Variants in UST observed in about 807,000 individuals in gnomAD.
UST encodes the protein uronyl 2-sulfotransferase, also known as chondroitin sulfate 2-O-sulfotransferase.
In UST, 21 loss-of-function variants were observed where a neutral mutation model predicts 45.6. The observed-to-expected ratio is 0.46, with a 90% CI of 0.33 to 0.66. The LOEUF (loss-of-function observed/expected upper bound fraction) is 0.66, where lower values mean the gene tolerates loss of function less well. Among genes scored for constraint, UST ranks in the 30% least tolerant of loss-of-function variants. UST has a pLI of 0.02. For synonymous variants in UST, 215 were observed against 200.6 expected, an observed-to-expected ratio of 1.07 and a Z score of -0.61; for missense variants, 463 against 512.4, an observed-to-expected ratio of 0.90 and a Z score of 0.93.
Position 148,747,338 on chromosome 6 carries a change from CA to C in UST, c.-92del. On this transcript the variant is annotated 5_prime_UTR_variant, in exon 1 of 8. The change abolishes an upstream ATG in the 5' untranslated region. Transcript: ENST00000367463. ...CGGCTGCCCTCCGCGCGGCCCTCCC[CA>C]TGTGCAGCCGGCCAGCCGGGCTCTC... 7.4e-7 allele frequency: 1 copy of C among 1,343,446 alleles called. No individual in the cohort carries two copies. The highest frequency in any genetic ancestry group is 9.6e-7 in the Non-Finnish European group (1 of 1,042,812). The allele number at this position is 1,343,446 out of a possible 1,614,324, so 83.2% of individuals were successfully genotyped here. A position where few individuals can be genotyped will look rare whatever the true frequency, so the allele number is the denominator to read the frequency against.
At chr6:149,041,591 A>G (rs1280408105) in intron 7 of UST, among the ~76,000 whole-genome samples, 1 of 152,240 alleles carries the variant, frequency 6.6e-6, no homozygotes, top group Non-Finnish European at 1.5e-5. Context: ...CCACAGTGAC[A>G]CAGAGTGTTG....
intron 5 of UST, among the ~76,000 whole-genome samples, chr6:148,988,065 G>A (rs1218239003): frequency 6.6e-6 from 1 of 151,940 alleles, no homozygotes; most frequent in Non-Finnish European, 1.5e-5. Context: ...AGGCTTCCTG[G>A]AGGAGGTGTT....
intron 1 of UST, among the ~76,000 whole-genome samples, chr6:148,803,311 C>G (rs150331982): frequency 6.6e-6 from 1 of 152,256 alleles, no homozygotes; most frequent in African/African-American, 2.4e-5. Flanking sequence ...ATTACAAGAT[C>G]TTGATTCTCG....
rs1193461074 is a variant in UST at position 149,076,352 on chromosome 6, CTG to C, written c.*2240_*2241del. ...CAATCTGAAAATAAAGTTGAGTTGG[CTG>C]TGTTTTCTCTGCTCTTGTCAGAACA... is the stretch of plus-strand genomic sequence containing the variant. On this transcript the variant is annotated 3_prime_UTR_variant, in exon 8 of 8. Transcript: ENST00000367463. The C allele has an allele frequency of 6.6e-6, 1 of 152,214 alleles. No homozygotes were observed. Among genetic ancestry groups the C allele is most frequent in the Non-Finnish European group, 1.5e-5 (1 of 68,038 alleles). 9.4% of individuals were successfully genotyped at this position (152,214 alleles called of 1,614,324 possible). A position where few individuals can be genotyped will look rare whatever the true frequency, so the allele number is the denominator to read the frequency against.
intron 1 of UST, among the ~76,000 whole-genome samples, chr6:148,816,795 A>T (rs1371341783): frequency 6.6e-6 from 1 of 152,204 alleles, no homozygotes; most frequent in East Asian, 1.9e-4. Flanking sequence ...TTTTTTTTCA[A>T]CAAACAGCTG....
At chr6:148,809,060 A>T (rs1290184940) in intron 1 of UST, among the ~76,000 whole-genome samples, 2 of 152,368 alleles carry the variant, frequency 1.3e-5, no homozygotes, top group South Asian at 2.1e-4. Context: ...GCAACTAATC[A>T]TCACCTTGTA....
At chr6:149,048,483 C>A (rs1417752745) in intron 7 of UST, among the ~76,000 whole-genome samples, 1 of 151,030 alleles carries the variant, frequency 6.6e-6, no homozygotes, top group African/African-American at 2.4e-5. Flanking sequence ...TTGTAGTGAG[C>A]CGAGATGGGG....
At position 148,926,541 on chromosome 6, in the gene UST, C is replaced by T. The variant is rs541248182; in HGVS notation, c.292-14738C>T. 2.0e-3 allele frequency among the ~76,000 whole-genome samples: 297 copies of T among 152,292 alleles called. 2 individuals carry two copies. Among genetic ancestry groups the T allele is most frequent in the African/African-American group, 7.0e-3 (289 of 41,554 alleles). On this transcript the variant is annotated intron_variant, in intron 2 of 7. Coordinates refer to ENST00000367463, the MANE Select transcript of UST (RefSeq NM_005715.3). ...TTGCAGATCTTGGCTTGTAGCATGG[C>T]CCTCATGCTTCTTGCCTCATGGTCA...
At chr6:148,873,510 C>A (rs1302345226) in intron 1 of UST, among the ~76,000 whole-genome samples, 4 of 152,152 alleles carry the variant, frequency 2.6e-5, no homozygotes, top group African/African-American at 9.7e-5. Flanking sequence ...GCTGAGACCC[C>A]ACTTTGCTTA....
intron 1 of UST, among the ~76,000 whole-genome samples, chr6:148,771,742 T>C (rs1304333254): frequency 6.6e-6 from 1 of 152,240 alleles, no homozygotes; most frequent in Non-Finnish European, 1.5e-5. Context: ...ATTTATTGGA[T>C]GATATATGTT....
intron 1 of UST, among the ~76,000 whole-genome samples, chr6:148,805,998 G>T (rs1777138011): frequency 6.6e-6 from 1 of 152,094 alleles, no homozygotes; most frequent in Non-Finnish European, 1.5e-5. Flanking sequence ...GGGAAAAAAA[G>T]ATGTGGGCTC....
In UST at chr6:148,803,332, T is replaced by C. The variant is rs1408741190; in HGVS notation, c.247+55655T>C. 6.6e-5 allele frequency among the ~76,000 whole-genome samples: 10 copies of C among 152,206 alleles called. 1 individual carries two copies. In the East Asian group the frequency reaches 1.7e-3, roughly 26 times the overall value. On this transcript the variant is annotated intron_variant, in intron 1 of 7. Coordinates refer to ENST00000367463, the MANE Select transcript of UST (RefSeq NM_005715.3). ...AGATCTTGATTCTCGGTTCTTACCATTCCTGGGATATTCTAGAGACCTGGT... is the reference window on the plus strand; with the variant it reads ...AGATCTTGATTCTCGGTTCTTACCACTCCTGGGATATTCTAGAGACCTGGT...
rs143272272 is a variant in UST, at chr6:148,788,452, A to G, written c.247+40775A>G. 7.2e-3 allele frequency among the ~76,000 whole-genome samples: 1,103 copies of G among 152,338 alleles called. 14 individuals carry two copies. The highest frequency in any genetic ancestry group is 0.025 in the African/African-American group (1,057 of 41,568). The stretch of plus-strand genomic sequence containing the variant: ...TGAGTCACTTTGAGGAAAGGTTATT[A>G]TATGAAAATATCACTGAAATAATCA... On this transcript the variant is annotated intron_variant, in intron 1 of 7. Transcript: ENST00000367463.
At chr6:149,062,506 C>T (rs1278226411) in intron 7 of UST, among the ~76,000 whole-genome samples, 1 of 152,192 alleles carries the variant, frequency 6.6e-6, no homozygotes, top group Non-Finnish European at 1.5e-5. Context: ...CAGTCCCTTT[C>T]AGTGTGAAAA....
chr6:148,879,192 CT>C (rs1408695563), intron 1 of UST, among the ~76,000 whole-genome samples: 1 of 152,174 alleles, frequency 6.6e-6, no homozygotes, highest in Non-Finnish European at 1.5e-5. Context: ...TTACAATTTC[CT>C]TGCACCCCCT....
chr6:148,938,496 A>T (rs1780061102), intron 2 of UST, among the ~76,000 whole-genome samples: 1 of 152,236 alleles, frequency 6.6e-6, no homozygotes, highest in Non-Finnish European at 1.5e-5. Context: ...GGAAAATTAA[A>T]TTAACCTATA....
chr6:148,889,910 T>C (rs1306381848), intron 2 of UST, among the ~76,000 whole-genome samples: 1 of 149,504 alleles, frequency 6.7e-6, no homozygotes, highest in Non-Finnish European at 1.5e-5. Context: ...AACTCCCCCA[T>C]ATCTCCCCCA....
At chr6:148,951,037 G>A (rs1333473731) in intron 3 of UST, among the ~76,000 whole-genome samples, 2 of 152,222 alleles carry the variant, frequency 1.3e-5, no homozygotes, top group Admixed American at 6.5e-5. Flanking sequence ...AGGAGTAGCA[G>A]AAGAACATTC....
At chr6:148,765,450 T>C (rs112090724) in intron 1 of UST, among the ~76,000 whole-genome samples, 5,691 of 152,240 alleles carry the variant, frequency 0.037, 362 homozygotes, top group African/African-American at 0.13. Context: ...CTATTCAGGG[T>C]CTTTTTGGTT....
Sources: allele counts gnomAD v4.1 joint callset (sites outside exome capture counted in the v4.1 genomes callset), GRCh38; gene constraint gnomAD v4.1.1; transcripts MANE v1.5; gene names NCBI Gene and HGNC (gene_info 2026-07-23, HGNC 2026-07-21).